Variants in XKR6 observed in about 807,000 individuals in gnomAD.
XKR6 encodes the protein XK related 6, also known as XK-related protein 6.
XKR6 carries 22 observed loss-of-function variants against 56.7 expected under a neutral mutation model. That is an observed-to-expected ratio of 0.39 (90% CI 0.28 to 0.55). XKR6 has a LOEUF of 0.55. Among genes scored for constraint, XKR6 ranks in the 20% least tolerant of loss-of-function variants. The pLI is 0.66. For synonymous variants in XKR6, 524 were observed against 387.8 expected (o/e 1.35, Z -4.13); for missense variants, 852 against 889.0 (o/e 0.96, Z 0.53).
chr8:11,195,671 T>G (rs1239980264), intron 1 of XKR6, among the ~76,000 whole-genome samples: 1 of 151,232 alleles, frequency 6.6e-6, no homozygotes, highest in African/African-American at 2.4e-5. Flanking sequence ...TTTTTTGAGA[T>G]GGAGTCTCGC....
chr8:11,006,366 C>G (rs905774040), intron 1 of XKR6, among the ~76,000 whole-genome samples: 6 of 152,128 alleles, frequency 3.9e-5, no homozygotes, highest in Admixed American at 6.5e-5. Context: ...GTGGAGGGAA[C>G]AGTGTGCTGC....
chr8:11,047,846 A>G (rs551600356), intron 1 of XKR6, among the ~76,000 whole-genome samples: 2 of 152,240 alleles, frequency 1.3e-5, no homozygotes, highest in Non-Finnish European at 2.9e-5. Context: ...GAATCTCACT[A>G]CATGATCCCA....
chr8:11,029,472 T>A (rs1798942915), intron 1 of XKR6, among the ~76,000 whole-genome samples: 1 of 152,094 alleles, frequency 6.6e-6, no homozygotes, highest in African/African-American at 2.4e-5. Flanking sequence ...GGGATTTCTG[T>A]CCTTATAAAC....
At chr8:10,952,765 C>T (rs59109872) in intron 1 of XKR6, among the ~76,000 whole-genome samples, 10,037 of 152,198 alleles carry the variant, frequency 0.066, 364 homozygotes, top group Middle Eastern at 0.14. Context: ...CATGAATGAA[C>T]CTGAGCCTCC....
intron 1 of XKR6, among the ~76,000 whole-genome samples, chr8:11,100,557 TG>T (rs1343307445): frequency 6.6e-6 from 1 of 152,228 alleles, no homozygotes; most frequent in Non-Finnish European, 1.5e-5. Flanking sequence ...ACTGAGCAAC[TG>T]TAAGTGTGCA....
At chr8:11,167,910 AAAC>A (rs1246970403) in intron 1 of XKR6, among the ~76,000 whole-genome samples, 53 of 139,758 alleles carry the variant, frequency 3.8e-4, no homozygotes, top group African/African-American at 1.5e-3. Context: ...AAAAAAAAAA[AAAC>A]CACACACAAA....
chr8:10,901,637 G>C (rs922768450), intron 2 of XKR6, among the ~76,000 whole-genome samples: 6 of 152,148 alleles, frequency 3.9e-5, no homozygotes, highest in Non-Finnish European at 8.8e-5. Context: ...TAATCAGATG[G>C]GAGTTCTATG....
At chr8:11,130,875 C>A (rs1411888692) in intron 1 of XKR6, among the ~76,000 whole-genome samples, 1 of 152,112 alleles carries the variant, frequency 6.6e-6, no homozygotes, top group East Asian at 1.9e-4. Context: ...TTGACTGCAG[C>A]AATGGTAACA....
chr8:10,961,448 G>T (rs1802057727), intron 1 of XKR6, among the ~76,000 whole-genome samples: 1 of 152,232 alleles, frequency 6.6e-6, no homozygotes, highest in Admixed American at 6.5e-5. Context: ...GCTAGGGGCG[G>T]CTGGGGAAAT....
intron 1 of XKR6, among the ~76,000 whole-genome samples, chr8:10,995,650 T>A (rs1798094614): frequency 6.8e-6 from 1 of 146,350 alleles, no homozygotes; most frequent in Non-Finnish European, 1.5e-5. Context: ...ATCATGCCAC[T>A]GCACTCCAGT....
At chr8:11,192,229 G>A (rs1246758978) in intron 1 of XKR6, among the ~76,000 whole-genome samples, 2 of 151,982 alleles carry the variant, frequency 1.3e-5, no homozygotes, top group African/African-American at 4.8e-5. Context: ...CACGATCTGG[G>A]CTCACTGCAA....
chr8:11,152,750 G>C (rs1801328984), intron 1 of XKR6, among the ~76,000 whole-genome samples: 1 of 152,326 alleles, frequency 6.6e-6, no homozygotes, highest in African/African-American at 2.4e-5. Context: ...TCCTCAACTA[G>C]CTTGTGGACA....
At position 11,008,298 on chromosome 8, in the gene XKR6, C is replaced by A. The variant is rs541908744; in HGVS notation, c.765-83468G>T. Among the ~76,000 whole-genome samples the A allele has an allele frequency of 2.6e-4, 39 of 152,310 alleles. No homozygotes were observed. The South Asian group carries it at 6.8e-3, about 27-fold the overall frequency. On this transcript the variant is annotated intron_variant, in intron 1 of 2. Coordinates refer to ENST00000416569, the MANE Select transcript of XKR6 (RefSeq NM_173683.4). The stretch of plus-strand genomic sequence containing the variant: ...AAAGGCCCAAGGGTGGCCTGAGCAC[C>A]CGGACACTGAGGCAGGTAGGCAGTG...
chr8:11,130,968 A>G (rs968055028), intron 1 of XKR6, among the ~76,000 whole-genome samples: 4 of 152,138 alleles, frequency 2.6e-5, no homozygotes, highest in Admixed American at 1.3e-4. Context: ...AGACCAAGAA[A>G]TGATGTCATG....
intron 1 of XKR6, among the ~76,000 whole-genome samples, chr8:10,943,052 G>T (rs1190611030): frequency 6.6e-6 from 1 of 152,202 alleles, no homozygotes; most frequent in Non-Finnish European, 1.5e-5. Context: ...CATGGCCCAG[G>T]TAGGCACCGT....
rs1027131191 is a variant in XKR6 at position 11,015,794 on chromosome 8, G to T, written c.765-90964C>A. Among the ~76,000 whole-genome samples, 3 of 152,286 alleles carry T rather than the reference G, an allele frequency of 2.0e-5. No homozygotes were observed. In the East Asian group the frequency reaches 5.8e-4, roughly 29 times the overall value. Reference sequence around the variant, plus strand: ...AAGTGGGAGGGGAAGGAGGGAAACCGAGAGGAATTGAGGGTGGGCTCGGCG... The same window carrying T: ...AAGTGGGAGGGGAAGGAGGGAAACCTAGAGGAATTGAGGGTGGGCTCGGCG... On this transcript the variant is annotated intron_variant, in intron 1 of 2. Coordinates refer to ENST00000416569, the MANE Select transcript of XKR6 (RefSeq NM_173683.4).
intron 1 of XKR6, among the ~76,000 whole-genome samples, chr8:11,185,116 AGTGT>A (rs1803202533): frequency 6.6e-6 from 1 of 152,018 alleles, no homozygotes; most frequent in Non-Finnish European, 1.5e-5. Context: ...TGCGGGTGTG[AGTGT>A]GAGTGTGCCC....
At chr8:10,968,493 G>A (rs1802300389) in intron 1 of XKR6, among the ~76,000 whole-genome samples, 1 of 152,194 alleles carries the variant, frequency 6.6e-6, no homozygotes, top group Admixed American at 6.5e-5. Context: ...AGTGTCGTGG[G>A]CTCCTCTGCA....
chr8:11,078,479 C>T (rs1412911739), intron 1 of XKR6, among the ~76,000 whole-genome samples: 3 of 152,210 alleles, frequency 2.0e-5, no homozygotes, highest in Non-Finnish European at 4.4e-5. Context: ...GCTGACCCCA[C>T]GTGAGGCAAG....
Sources: allele counts gnomAD v4.1 joint callset (sites outside exome capture counted in the v4.1 genomes callset), GRCh38; gene constraint gnomAD v4.1.1; transcripts MANE v1.5; gene names NCBI Gene and HGNC (gene_info 2026-07-23, HGNC 2026-07-21).